Variants in PRXL2A observed in about 807,000 individuals in gnomAD.
The protein encoded by PRXL2A is peroxiredoxin like 2A.
PRXL2A carries 26 observed loss-of-function variants against 25.6 expected under a neutral mutation model. The ratio of observed to expected loss-of-function variants is 1.02; its 90% CI spans 0.74 to 1.41. The LOEUF is 1.41. Among genes scored for constraint, PRXL2A ranks in the 40% most tolerant of loss-of-function variants. The pLI, the probability that PRXL2A is intolerant of heterozygous loss-of-function variation, is 0.00. For missense variants in PRXL2A, 246 were observed against 273.9 expected (o/e 0.90, Z 0.72); for synonymous variants, 98 against 102.9 (o/e 0.95, Z 0.29).
chr10:80,429,546 C>A (rs978015027), intron 5 of PRXL2A, among the ~76,000 whole-genome samples: 1 of 143,096 alleles, frequency 7.0e-6, no homozygotes, highest in African/African-American at 2.6e-5. Flanking sequence ...CCCTGCCCCG[C>A]CCCGCCCCTA....
intron 1 of PRXL2A, among the ~76,000 whole-genome samples, chr10:80,414,938 G>A (rs965876345): frequency 2.0e-5 from 3 of 152,078 alleles, no homozygotes; most frequent in African/African-American, 7.2e-5. Flanking sequence ...GTCCTTTTTT[G>A]TGTGTAGGAA....
rs1035925233 is a variant in PRXL2A at position 80,433,030 on chromosome 10, T to C, written c.*931T>C. ...GTATAAGATTTTCTGATAAAACTAA[T>C]AATTATATTTACCATATAATTGGCT... is the stretch of plus-strand genomic sequence containing the variant. On this transcript the variant is annotated 3_prime_UTR_variant, in exon 6 of 6. Transcript: ENST00000606162. 3 of 152,250 alleles carry C rather than the reference T, an allele frequency of 2.0e-5. No homozygotes were observed. The highest frequency in any genetic ancestry group is 4.4e-5 in the Non-Finnish European group (3 of 68,040). 9.4% of individuals were successfully genotyped at this position (152,250 alleles called of 1,614,324 possible). A position where few individuals can be genotyped will look rare whatever the true frequency, so the allele number is the denominator to read the frequency against.
chr10:80,425,006 T>C (rs1844997390), intron 3 of PRXL2A, among the ~76,000 whole-genome samples: 1 of 152,256 alleles, frequency 6.6e-6, no homozygotes, highest in Admixed American at 6.5e-5. Context: ...TTCTGCCTCA[T>C]TAGTTGTTTT....
chr10:80,419,883 C>T, intron 1 of PRXL2A: 1 of 668,554 alleles, frequency 1.5e-6, no homozygotes, highest in Non-Finnish European at 1.8e-6. Context: ...TGAATGAGGC[C>T]CTGCTGGGCA....
At chr10:80,415,476 C>T (rs1844627731) in intron 1 of PRXL2A, among the ~76,000 whole-genome samples, 1 of 152,210 alleles carries the variant, frequency 6.6e-6, no homozygotes, top group Admixed American at 6.5e-5. Flanking sequence ...CCCAGCCTAG[C>T]CTGTCCATGC....
rs771515476 is a variant in PRXL2A at position 80,432,151 on chromosome 10, A to C, written c.*52A>C. On this transcript the variant is annotated 3_prime_UTR_variant, in exon 6 of 6. Coordinates refer to ENST00000606162, the MANE Select transcript of PRXL2A (RefSeq NM_032333.5). Reference sequence around the variant, plus strand: ...TAACCAGGGACATTCACCTGTGTTCATGGGATGTATTGTTTCCACTCGTGT... The same window carrying C: ...TAACCAGGGACATTCACCTGTGTTCCTGGGATGTATTGTTTCCACTCGTGT... The C allele has an allele frequency of 9.2e-7, 1 of 1,090,910 alleles. No homozygotes were observed. Among genetic ancestry groups the C allele is most frequent in the South Asian group, 1.3e-5 (1 of 77,516 alleles). 67.6% of individuals were successfully genotyped at this position (1,090,910 alleles called of 1,614,324 possible).
At chr10:80,408,420 G>A (rs1844341104), upstream of PRXL2A, 1 of 152,196 alleles carries the variant, frequency 6.6e-6, no homozygotes, top group Non-Finnish European at 1.5e-5. Context: ...CCGGAGCTAG[G>A]AGACCGCGGC....
chr10:80,409,659 A>G (rs369602428), intron 1 of PRXL2A, among the ~76,000 whole-genome samples: 10 of 152,328 alleles, frequency 6.6e-5, no homozygotes, highest in African/African-American at 2.2e-4. Flanking sequence ...TGGGATTTCC[A>G]CTGCAGACCC....
rs555949036 is a variant in PRXL2A at position 80,413,823 on chromosome 10, A to G, written c.-3+5180A>G. On this transcript the variant is annotated intron_variant, in intron 1 of 5. Coordinates refer to ENST00000606162, the MANE Select transcript of PRXL2A (RefSeq NM_032333.5). ...GCCGCCTGCCCAGGCCCGTCTGCTC[A>G]CCCCTGGATATACTTCTTTGTCAAG... is the stretch of plus-strand genomic sequence containing the variant. The G allele has an allele frequency of 2.8e-3, 3,130 of 1,127,800 alleles. 6 individuals are homozygous for G. The highest frequency in any genetic ancestry group is 3.0e-3 in the Non-Finnish European group (2,745 of 904,220). The allele number at this position is 1,127,800 out of a possible 1,614,324, so 69.9% of individuals were successfully genotyped here.
At chr10:80,422,653 G>T (rs200236571) in intron 3 of PRXL2A, 145 bp downstream of exon 3, 6 of 397,012 alleles carry the variant, frequency 1.5e-5, no homozygotes, top group South Asian at 7.2e-5. Context: ...GTATTTCTTT[G>T]ATTTGTGCTC....
rs531789867 is a variant in PRXL2A at position 80,427,080 on chromosome 10, T to C, written c.412-252T>C. 2.4e-3 allele frequency among the ~76,000 whole-genome samples: 357 copies of C among 150,560 alleles called. 2 individuals carry two copies. Among genetic ancestry groups the C allele is most frequent in the African/African-American group, 8.4e-3 (341 of 40,632 alleles). On this transcript the variant is annotated intron_variant, in intron 4 of 5. Coordinates refer to ENST00000606162, the MANE Select transcript of PRXL2A (RefSeq NM_032333.5). ...ATTGCTTGAACCTAGGAGGTGGAGA[T>C]TGTAGTCAGCTGAGATCGCGCCGTT...
At chr10:80,410,963 C>T (rs983857785) in intron 1 of PRXL2A, among the ~76,000 whole-genome samples, 3 of 152,210 alleles carry the variant, frequency 2.0e-5, no homozygotes, top group Non-Finnish European at 4.4e-5. Flanking sequence ...GTGCTGCTTT[C>T]AGCATCTATT....
chr10:80,430,089 CTTTTTTTT>C (rs753076825), intron 5 of PRXL2A, among the ~76,000 whole-genome samples: 1 of 66,514 alleles, frequency 1.5e-5, no homozygotes, highest in Admixed American at 2.0e-4. Flanking sequence ...TGGGGATTTC[CTTTTTTTT>C]TTTTTTTTTT....
chr10:80,412,581 T>C (rs542483193), intron 1 of PRXL2A, among the ~76,000 whole-genome samples: 1 of 152,352 alleles, frequency 6.6e-6, no homozygotes, highest in South Asian at 2.1e-4. Context: ...ATTTGTGCAT[T>C]GTGCAGGGTT....
intron 1 of PRXL2A, among the ~76,000 whole-genome samples, chr10:80,412,222 G>A (rs941207742): frequency 1.3e-5 from 2 of 152,096 alleles, no homozygotes; most frequent in African/African-American, 2.4e-5. Flanking sequence ...TCCAGGCCCC[G>A]AGTGTCTTCA....
rs1238261787 is a variant in PRXL2A at position 80,427,433 on chromosome 10, TGGAAACCTGGAA to T, written c.517_528del (p.Asn173_Gly176del). The T allele has an allele frequency of 1.2e-6, 2 of 1,614,058 alleles. No individual in the cohort carries two copies. The highest frequency in any genetic ancestry group is 1.7e-6 in the Non-Finnish European group (2 of 1,180,034). On this transcript the variant is annotated inframe_deletion, in exon 5 of 6. Coordinates refer to ENST00000606162, the MANE Select transcript of PRXL2A (RefSeq NM_032333.5). ...TCCGAGCCTGGAACGGAGGCTTCTC[TGGAAACCTGGAA>T]GGAGAAGGCTTCATCCTTGGGGGAG...
chr10:80,432,014 A>C lies in PRXL2A; in HGVS notation c.605A>C (p.Glu202Ala). The C allele has an allele frequency of 6.2e-7, 1 of 1,611,898 alleles. No homozygotes were observed. Among genetic ancestry groups the C allele is most frequent in the Non-Finnish European group, 8.5e-7 (1 of 1,179,284 alleles). The change falls in exon 6 of 6, where the codon GAA becomes GCA. Residue 202 changes from glutamate (E) to alanine (A), a missense_variant. By Grantham distance (107) the Glu-to-Ala change is moderately radical. Coordinates refer to ENST00000606162, the MANE Select transcript of PRXL2A (RefSeq NM_032333.5). ...ATTCTTCTTGAGCACCGAGAAAAAG[A>C]ATTTGGAGACAAAGTAAACCTACTT... Reference protein sequence around the residue: ...QGILLEHREKEFGDKVNLLSV... With the variant: ...QGILLEHREKAFGDKVNLLSV...
Position 80,432,033 on chromosome 10 carries a change from C to G in PRXL2A, c.624C>G (p.Asn208Lys). Reference protein sequence around the residue: ...HREKEFGDKVNLLSVLEAAKM... With the variant: ...HREKEFGDKVKLLSVLEAAKM... ...AAAAAGAATTTGGAGACAAAGTAAA[C>G]CTACTTTCTGTTCTGGAAGCTGCTA... Residue 208 changes from asparagine (N) to lysine (K), a missense_variant, in exon 6 of 6, where the codon AAC (asparagine) becomes AAG (lysine). By Grantham distance (94) the Asn-to-Lys change is moderately conservative. Transcript: ENST00000606162. The G allele has an allele frequency of 6.2e-7, 1 of 1,610,494 alleles. No homozygotes were observed. The highest frequency in any genetic ancestry group is 2.2e-5 in the East Asian group (1 of 44,746).
At chr10:80,410,532 G>A (rs1844444898) in intron 1 of PRXL2A, among the ~76,000 whole-genome samples, 1 of 152,250 alleles carries the variant, frequency 6.6e-6, no homozygotes, top group Admixed American at 6.5e-5. Context: ...ATAGGGGCAC[G>A]AGTGAATCTG....
Sources: gnomAD v4.1 joint callset for allele counts (sites outside exome capture counted in the v4.1 genomes callset) on GRCh38, gnomAD v4.1.1 for gene constraint, MANE v1.5 for transcripts, NCBI Gene and HGNC (gene_info 2026-07-23, HGNC 2026-07-21) for gene names.